SRL: variants seen among roughly 807,000 people sequenced by gnomAD.
The protein encoded by SRL is sarcalumenin.
Under a neutral mutation model 39.5 loss-of-function variants are expected in SRL, and 23 were observed. The ratio of observed to expected loss-of-function variants is 0.58; its 90% confidence interval spans 0.42 to 0.82. SRL has a LOEUF of 0.82. SRL is among the 40% of genes least tolerant of loss of function. SRL has a pLI of 0.00. For synonymous variants in SRL, 272 were observed against 237.4 expected (o/e 1.15, Z -1.34); for missense variants, 592 against 607.8 (o/e 0.97, Z 0.27).
At chr16:4,195,529 G>A (rs375980444) in intron 5 of SRL, 24 bp downstream of exon 5, 4 of 1,610,238 alleles carry the variant, frequency 2.5e-6, no homozygotes, top group Non-Finnish European at 2.5e-6. Flanking sequence ...AGCTTACACT[G>A]TTCAGAAATG....
chr16:4,194,899 C>CTT (rs899424989), intron 5 of SRL, among the ~76,000 whole-genome samples: 5 of 147,492 alleles, frequency 3.4e-5, no homozygotes, highest in African/African-American at 1.2e-4. Context: ...TCTTTTCTTC[C>CTT]TTTTTTTTTT....
chr16:4,229,794 A>C (rs934155115), intron 1 of SRL, among the ~76,000 whole-genome samples: 3 of 152,180 alleles, frequency 2.0e-5, no homozygotes, highest in Non-Finnish European at 4.4e-5. Context: ...AAGTTCACTC[A>C]GAAGTTCTTC....
Position 4,191,842 on chromosome 16 carries a change from T to C in SRL, c.*311A>G, listed in dbSNP as rs2052069284. On this transcript the variant is annotated 3_prime_UTR_variant, in exon 6 of 6. Transcript: ENST00000399609. ...TTTTAGCTTATTTGACCCTCACTGA[T>C]TTAAGATACACTAGAATTTAGCTGC... The C allele has an allele frequency of 6.6e-6, 2 of 302,824 alleles. No homozygotes were observed. The highest frequency in any genetic ancestry group is 4.3e-5 in the African/African-American group (2 of 46,246). The allele number at this position is 302,824 out of a possible 1,614,324, so 18.8% of individuals were successfully genotyped here.
Position 4,197,884 on chromosome 16 carries a change from C to T in SRL, c.291G>A (p.Leu97=). 5 of 1,613,944 alleles carry T rather than the reference C, an allele frequency of 3.1e-6. 1 individual carries two copies. Among genetic ancestry groups the T allele is most frequent in the Non-Finnish European group, 4.2e-6 (5 of 1,179,810 alleles). Residue 97 remains leucine (L), a synonymous_variant, in exon 4 of 6, where the codon CTG becomes CTA. Coordinates refer to ENST00000399609, the MANE Select transcript of SRL (RefSeq NM_001098814.2). ...TACCAACACTCCACGGTCCCAGGAA[C>T]AGTACCATGGGCTTGGAGGTAATCT... is the stretch of plus-strand genomic sequence containing the variant. The part of the protein sequence containing the change: ...DGEITSKPMV[L]FLGPWSVGKS...
In SRL at chr16:4,204,484, T is replaced by TG. The variant is rs755252929; in HGVS notation, c.163+48dup. 15 of 1,423,466 alleles carry TG rather than the reference T, an allele frequency of 1.1e-5. No homozygotes were observed. In the South Asian group the frequency reaches 1.7e-4, roughly 16 times the overall value. 88.2% of individuals were successfully genotyped at this position (1,423,466 alleles called of 1,614,324 possible). On this transcript the variant is annotated intron_variant, in intron 2 of 5. Transcript: ENST00000399609. ...AGCCTCCAGGAGTCTGCCCGGGCCC[T>TG]GGTGGCCGGGCTCTCCCAGCCCTGG...
At chr16:4,233,301 T>C (rs1276276801) in intron 1 of SRL, among the ~76,000 whole-genome samples, 1 of 152,244 alleles carries the variant, frequency 6.6e-6, no homozygotes, top group Non-Finnish European at 1.5e-5. Context: ...TTTGTCACCA[T>C]CTTCAGGTGT....
chr16:4,230,502 C>A (rs1567190122), intron 1 of SRL, among the ~76,000 whole-genome samples: 1 of 151,744 alleles, frequency 6.6e-6, no homozygotes, highest in African/African-American at 2.4e-5. Flanking sequence ...TGCCTCAGCC[C>A]CCCAAGTAGC....
At position 4,205,739 on chromosome 16, in the gene SRL, T is replaced by A. The variant is rs143800435; in HGVS notation, c.62-1105A>T. On this transcript the variant is annotated intron_variant, in intron 1 of 5. Transcript: ENST00000399609. ...GACCGGGCAGGACCTTCCACAGGGC[T>A]TTGGGTTTCATCCCAAGAGCAATGG... Among the ~76,000 whole-genome samples the A allele has an allele frequency of 3.4e-3, 511 of 152,252 alleles. 3 individuals are homozygous for A. Among genetic ancestry groups the A allele is most frequent in the Admixed American group, 0.013 (197 of 15,290 alleles).
At chr16:4,240,411 T>C (rs1194790444) in intron 1 of SRL, among the ~76,000 whole-genome samples, 2 of 151,934 alleles carry the variant, frequency 1.3e-5, no homozygotes, top group African/African-American at 4.8e-5. Context: ...GGGTATACAG[T>C]CCACAGTGGG....
intron 1 of SRL, among the ~76,000 whole-genome samples, chr16:4,205,208 G>A (rs578134635): frequency 7.2e-5 from 11 of 152,194 alleles, no homozygotes; most frequent in South Asian, 6.2e-4. Flanking sequence ...TCTCAGCTCA[G>A]GAAGCTGAGA....
chr16:4,231,730 G>T (rs1014774784), intron 1 of SRL, among the ~76,000 whole-genome samples: 1 of 152,170 alleles, frequency 6.6e-6, no homozygotes, highest in Non-Finnish European at 1.5e-5. Context: ...CAGGGGAGGC[G>T]TGTTGATGGA....
At chr16:4,230,725 T>C (rs960766016) in intron 1 of SRL, among the ~76,000 whole-genome samples, 3 of 151,820 alleles carry the variant, frequency 2.0e-5, no homozygotes, top group Non-Finnish European at 4.4e-5. Flanking sequence ...TCTTTGCAAA[T>C]GTAATTAGTT....
chr16:4,230,476 G>A (rs1018978651), intron 1 of SRL, among the ~76,000 whole-genome samples: 6 of 151,572 alleles, frequency 4.0e-5, no homozygotes, highest in Non-Finnish European at 1.5e-5. Context: ...CACCTCCCGG[G>A]TTCAAGCGAT....
chr16:4,217,376 A>G (rs891819560), intron 1 of SRL, among the ~76,000 whole-genome samples: 4 of 152,164 alleles, frequency 2.6e-5, no homozygotes, highest in Admixed American at 2.6e-4. Flanking sequence ...TTCAGCCTCC[A>G]GAGTAGCTGG....
chr16:4,195,999 C>CA (rs1164029398), intron 4 of SRL, among the ~76,000 whole-genome samples: 10 of 152,048 alleles, frequency 6.6e-5, no homozygotes, highest in African/African-American at 2.4e-4. Context: ...CTTGCTCTGT[C>CA]ACCCAGGCTG....
At chr16:4,199,745 A>G (rs1422054266) in intron 3 of SRL, among the ~76,000 whole-genome samples, 7 of 124,668 alleles carry the variant, frequency 5.6e-5, no homozygotes, top group South Asian at 5.1e-4. Context: ...TCCCCAGGCT[A>G]GAGTGCAGTG....
intron 1 of SRL, among the ~76,000 whole-genome samples, chr16:4,234,130 G>C (rs1597297891): frequency 6.6e-6 from 1 of 152,010 alleles, no homozygotes; most frequent in East Asian, 1.9e-4. Flanking sequence ...GAGTAGCTGA[G>C]ACCACAGTGT....
chr16:4,215,339 T>G (rs1567183071), intron 1 of SRL, among the ~76,000 whole-genome samples: 1 of 152,244 alleles, frequency 6.6e-6, no homozygotes, highest in Non-Finnish European at 1.5e-5. Context: ...AGCTTGTCCC[T>G]GGCTGGACTC....
chr16:4,217,594 T>A (rs1201039964), intron 1 of SRL, among the ~76,000 whole-genome samples: 1 of 152,128 alleles, frequency 6.6e-6, no homozygotes, highest in Non-Finnish European at 1.5e-5. Context: ...GCTGTCTTAC[T>A]ACCCAGCGAA....
Sources: gnomAD v4.1 joint callset for allele counts (sites outside exome capture counted in the v4.1 genomes callset) on GRCh38, gnomAD v4.1.1 for gene constraint, MANE v1.5 for transcripts, NCBI Gene and HGNC (gene_info 2026-07-23, HGNC 2026-07-21) for gene names.